The following ARL13A variants were observed in gnomAD, a reference collection of about 807,000 sequenced individuals.
ARL13A encodes ARF like GTPase 13A.
In ARL13A, 16 loss-of-function variants were observed where a neutral mutation model predicts 19.1. That is an observed-to-expected ratio of 0.84 (90% CI 0.57 to 1.27). ARL13A has a LOEUF of 1.27. ARL13A is among the 50% of genes most tolerant of loss of function. The pLI, the probability that ARL13A is intolerant of heterozygous loss-of-function variation, is 0.00. For synonymous variants in ARL13A, 69 were observed against 71.3 expected, an observed-to-expected ratio of 0.97 and a Z score of 0.17; for missense variants, 153 against 186.4, an observed-to-expected ratio of 0.82 and a Z score of 1.04.
intron 1 of ARL13A, among the ~76,000 whole-genome samples, chrX:100,971,231 C>T (rs371626864): frequency 6.0e-5 from 6 of 99,352 alleles, no homozygotes; most frequent in Admixed American, 2.2e-4. Context: ...CCAGACTAGA[C>T]GATCTCTAAG....
At chrX:100,988,405 A>G in intron 7 of ARL13A, 122 bp downstream of exon 7, 1 of 1,204,710 alleles carries the variant, frequency 8.3e-7, no homozygotes, top group Non-Finnish European at 1.1e-6. Context: ...ATGGTCTAAA[A>G]AGAATATGTC....
In ARL13A at chrX:100,986,902, G is replaced by T; in HGVS notation, c.486+1G>T. ...AGAGAATAAGTGCCCATGCCGAGTA[G>T]TAAGTGTCAACCTCTTCCTTCCCTC... On this transcript the variant is annotated splice_donor_variant, in intron 5 of 7. Transcript: ENST00000450049. LOFTEE classifies it high-confidence loss of function. The T allele has an allele frequency of 1.7e-6, 2 of 1,156,395 alleles. No homozygotes were observed. Among genetic ancestry groups the T allele is most frequent in the Admixed American group, 2.3e-5 (1 of 43,992 alleles).
At chrX:100,988,622 T>C in intron 7 of ARL13A, 7 of 823,848 alleles carry the variant, frequency 8.5e-6, no homozygotes, top group African/African-American at 2.2e-5. Flanking sequence ...ATTTCTACAA[T>C]AGTATTCCAA....
At chrX:100,986,145 G>A (rs1481103093) in intron 4 of ARL13A, among the ~76,000 whole-genome samples, 4 of 111,239 alleles carry the variant, frequency 3.6e-5, no homozygotes, top group Non-Finnish European at 7.5e-5. Context: ...AATTTTGAAG[G>A]GAAGCATCAA....
chrX:100,974,655 A>C (rs1390055325), intron 3 of ARL13A, among the ~76,000 whole-genome samples: 1 of 111,858 alleles, frequency 8.9e-6, no homozygotes, highest in Admixed American at 9.5e-5. Context: ...AAATTCTGTG[A>C]CAGCTAATAT....
intron 3 of ARL13A, among the ~76,000 whole-genome samples, chrX:100,978,724 A>G: frequency 9.1e-6 from 1 of 109,861 alleles, no homozygotes; most frequent in East Asian, 2.8e-4. Flanking sequence ...TACTACTGTC[A>G]CCTTGTTATT....
At chrX:100,973,798 A>G (rs755957371) in intron 2 of ARL13A, 50 bp downstream of exon 2, 4 of 1,109,648 alleles carry the variant, frequency 3.6e-6, no homozygotes, top group Non-Finnish European at 5.0e-6. Context: ...TCCTCCCACA[A>G]ATCTGCCCAT....
At chrX:100,971,577 C>T (rs1370695462) in intron 1 of ARL13A, among the ~76,000 whole-genome samples, 1 of 89,271 alleles carries the variant, frequency 1.1e-5, no homozygotes, top group Non-Finnish European at 2.1e-5. Context: ...CCTTCTATGA[C>T]ATTTTTTTTT....
intron 5 of ARL13A, 124 bp from the exon 6 acceptor site, chrX:100,987,266 A>T: frequency 1.5e-6 from 1 of 681,610 alleles, no homozygotes; most frequent in Non-Finnish European, 2.1e-6. Flanking sequence ...TAGAAGTCTC[A>T]GAGCCTCTCT....
chrX:100,977,770 G>A (rs947054646), intron 3 of ARL13A, among the ~76,000 whole-genome samples: 2 of 112,163 alleles, frequency 1.8e-5, no homozygotes, highest in African/African-American at 6.5e-5. Flanking sequence ...TTATCTTTCT[G>A]TGCCTGGCTT....
chrX:100,985,967 A>G, intron 4 of ARL13A, 51 bp downstream of exon 4: 2 of 1,153,407 alleles, frequency 1.7e-6, no homozygotes, highest in South Asian at 2.1e-5. Flanking sequence ...TGTACCCTTA[A>G]AAGTATAGAA....
At chrX:100,987,363 G>C (rs1176074837) in intron 5 of ARL13A, 27 bp from the exon 6 acceptor site, 32 of 1,202,412 alleles carry the variant, frequency 2.7e-5, no homozygotes, top group Non-Finnish European at 3.4e-5. Flanking sequence ...CTCCAGGTCT[G>C]CAGCCTTCTC....
chrX:100,975,249 A>G (rs2085742089), intron 3 of ARL13A, among the ~76,000 whole-genome samples: 1 of 111,420 alleles, frequency 9.0e-6, no homozygotes, highest in Non-Finnish European at 1.9e-5. Context: ...ATGACTTGCC[A>G]TCCCCCTTTT....
Position 100,971,457 on chromosome X carries a change from C to T in ARL13A, c.-15+1648C>T, listed in dbSNP as rs140881179. ...ATGAACTATGGCTGAAGGGATAGGT[C>T]ACATCTGATTATGTCTGTGTAGTCT... On this transcript the variant is annotated intron_variant, in intron 1 of 7. Transcript: ENST00000450049. Among the ~76,000 whole-genome samples, 697 of 102,808 alleles carry T rather than the reference C, an allele frequency of 6.8e-3. 9 individuals carry two copies. The highest frequency in any genetic ancestry group is 9.4e-3 in the Non-Finnish European group (478 of 50,957). 89.3% of individuals were successfully genotyped at this position (102,808 alleles called of 115,157 possible).
chrX:100,986,973 C>T, intron 5 of ARL13A, 72 bp downstream of exon 5: 1 of 712,364 alleles, frequency 1.4e-6, no homozygotes, highest in Non-Finnish European at 2.0e-6. Context: ...ATTCTATAGT[C>T]AGTCCCATAT....
rs764450287 is a variant in ARL13A at position 100,986,821 on chromosome X, A to C, written c.406A>C (p.Lys136Gln). 1 of 1,202,605 alleles carries C rather than the reference A, an allele frequency of 8.3e-7. No homozygotes were observed. Among genetic ancestry groups the C allele is most frequent in the Non-Finnish European group, 1.1e-6 (1 of 890,069 alleles). ...LILANKQDKK[K>Q]ALMPCDIIDY... ...TTTAGCAAACAAACAAGACAAGAAG[A>C]AAGCCCTCATGCCTTGTGATATTAT... The change falls in exon 5 of 8, where the codon AAA becomes CAA. Residue 136 changes from lysine to glutamine, a missense_variant. Coordinates refer to ENST00000450049, the MANE Select transcript of ARL13A (RefSeq NM_001162491.2).
intron 1 of ARL13A, among the ~76,000 whole-genome samples, chrX:100,973,351 G>A (rs2085707862): frequency 1.0e-5 from 1 of 97,367 alleles, no homozygotes; most frequent in Admixed American, 1.1e-4. Flanking sequence ...ACTTTGGGAG[G>A]CCAAGGCAGG....
chrX:100,974,304 T>A, intron 3 of ARL13A, 107 bp downstream of exon 3: 1 of 586,511 alleles, frequency 1.7e-6, no homozygotes, highest in Non-Finnish European at 2.8e-6. Context: ...TCAATTTCCC[T>A]CTTTTTGTGC....
intron 3 of ARL13A, among the ~76,000 whole-genome samples, chrX:100,983,863 A>G (rs891314145): frequency 2.7e-5 from 3 of 111,454 alleles, no homozygotes; most frequent in Non-Finnish European, 5.6e-5. Flanking sequence ...CAAAGACCCA[A>G]AAGTATATTA....
Sources: gnomAD v4.1 joint callset for allele counts (sites outside exome capture counted in the v4.1 genomes callset) on GRCh38, gnomAD v4.1.1 for gene constraint, MANE v1.5 for transcripts, NCBI Gene and HGNC (gene_info 2026-07-23, HGNC 2026-07-21) for gene names.